Variants in THSD4 observed in about 807,000 individuals in gnomAD.
The protein encoded by THSD4 is thrombospondin type 1 domain containing 4, also known as thrombospondin type-1 domain-containing protein 4.
Under a neutral mutation model 119.0 loss-of-function variants are expected in THSD4, and 69 were observed. The ratio of observed to expected loss-of-function variants is 0.58; its 90% CI spans 0.48 to 0.71. The LOEUF is 0.71. Among genes scored for constraint, THSD4 ranks in the 30% least tolerant of loss-of-function variants. The pLI, the probability that THSD4 is intolerant of heterozygous loss-of-function variation, is 0.00. For missense variants in THSD4, 1,393 were observed against 1,391.1 expected, an observed-to-expected ratio of 1.00 and a Z score of -0.02; for synonymous variants, 524 against 540.4, an observed-to-expected ratio of 0.97 and a Z score of 0.42.
chr15:71,695,501 CATGTGT>C (rs1188146377), intron 8 of THSD4, among the ~76,000 whole-genome samples: 1 of 115,330 alleles, frequency 8.7e-6, no homozygotes, highest in African/African-American at 3.7e-5. Flanking sequence ...TGTGTGTGTG[CATGTGT>C]GTGTGTGTGT....
chr15:71,098,493 G>T (rs2040241261), intron 1 of THSD4, among the ~76,000 whole-genome samples: 1 of 151,976 alleles, frequency 6.6e-6, no homozygotes, highest in Non-Finnish European at 1.5e-5. Context: ...TAAATTGCTG[G>T]GCTCAAGCGA....
chr15:71,273,571 GGTGAGGGATAC>G lies in THSD4; in HGVS notation c.1015+16859_1015+16869del, dbSNP rs2044557826. Among the ~76,000 whole-genome samples the G allele has an allele frequency of 6.6e-5, 10 of 152,232 alleles. No homozygotes were observed. The South Asian group carries it at 2.1e-3, about 32-fold the overall frequency. On this transcript the variant is annotated intron_variant, in intron 6 of 17. Coordinates refer to ENST00000261862, the MANE Select transcript of THSD4 (RefSeq NM_024817.3). The stretch of plus-strand genomic sequence containing the variant: ...TCTCACCACAAAGAAATAAGTATGA[GGTGAGGGATAC>G]GTTAATTAACCATATTTTCTTATTC...
chr15:71,715,518 A>G (rs1306491080), intron 8 of THSD4, among the ~76,000 whole-genome samples: 2 of 152,144 alleles, frequency 1.3e-5, no homozygotes, highest in Non-Finnish European at 2.9e-5. Flanking sequence ...TAGAACAGAA[A>G]TGGAATTTAG....
At chr15:71,334,056 A>G (rs2140377974) in intron 6 of THSD4, among the ~76,000 whole-genome samples, 1 of 152,318 alleles carries the variant, frequency 6.6e-6, no homozygotes, top group South Asian at 2.1e-4. Flanking sequence ...TGAGTTGATG[A>G]AAGTATCTAA....
intron 5 of THSD4, among the ~76,000 whole-genome samples, chr15:71,248,221 C>T (rs1454094852): frequency 1.3e-5 from 2 of 152,150 alleles, no homozygotes; most frequent in Non-Finnish European, 2.9e-5. Flanking sequence ...TTGGAGGATG[C>T]ATTGAACTAT....
chr15:71,130,897 A>C (rs930806373), intron 1 of THSD4, among the ~76,000 whole-genome samples: 1 of 152,076 alleles, frequency 6.6e-6, no homozygotes, highest in Admixed American at 6.5e-5. Context: ...GGCGCCCGCT[A>C]CCACGCCCGT....
intron 7 of THSD4, among the ~76,000 whole-genome samples, chr15:71,457,086 A>G (rs939213420): frequency 2.0e-5 from 3 of 152,158 alleles, no homozygotes; most frequent in African/African-American, 7.2e-5. Flanking sequence ...TGTCCAATAA[A>G]GAAGCCAAGA....
chr15:71,469,133 C>T (rs1308553664), intron 7 of THSD4, among the ~76,000 whole-genome samples: 1 of 152,192 alleles, frequency 6.6e-6, no homozygotes, highest in Non-Finnish European at 1.5e-5. Context: ...CCCTCCAGGC[C>T]TCACATTTGA....
intron 7 of THSD4, among the ~76,000 whole-genome samples, chr15:71,482,361 G>A (rs1283459593): frequency 6.6e-6 from 1 of 150,588 alleles, no homozygotes; most frequent in African/African-American, 2.4e-5. Flanking sequence ...CACGATCTCG[G>A]CTCACTGCAA....
At chr15:71,414,673 A>G (rs2046735467) in intron 7 of THSD4, among the ~76,000 whole-genome samples, 1 of 152,228 alleles carries the variant, frequency 6.6e-6, no homozygotes, top group South Asian at 2.1e-4. Flanking sequence ...TTAGCTGATG[A>G]TATAAAAGAA....
intron 6 of THSD4, among the ~76,000 whole-genome samples, chr15:71,325,748 T>C (rs890987311): frequency 6.6e-6 from 1 of 152,010 alleles, no homozygotes; most frequent in African/African-American, 2.4e-5. Flanking sequence ...GGTCAGAGAT[T>C]AGTCAGAGGA....
At chr15:71,762,248 G>C (rs1305891022) in intron 15 of THSD4, among the ~76,000 whole-genome samples, 1 of 152,092 alleles carries the variant, frequency 6.6e-6, no homozygotes, top group Non-Finnish European at 1.5e-5. Context: ...CCATTTCTGA[G>C]CATTTACAGT....
intron 3 of THSD4, among the ~76,000 whole-genome samples, chr15:71,171,430 A>G (rs2043362070): frequency 6.6e-6 from 1 of 152,186 alleles, no homozygotes; most frequent in African/African-American, 2.4e-5. Context: ...ATACCCAGCA[A>G]AAATATCTTT....
At chr15:71,548,886 C>T (rs1366233040) in intron 7 of THSD4, among the ~76,000 whole-genome samples, 2 of 152,122 alleles carry the variant, frequency 1.3e-5, no homozygotes, top group African/African-American at 2.4e-5. Flanking sequence ...CTGGGGAGAC[C>T]CCCGAACTGA....
chr15:71,728,873 TG>T lies in THSD4; in HGVS notation c.1533+151del, dbSNP rs539176127. On this transcript the variant is annotated intron_variant, in intron 9 of 17. Transcript: ENST00000261862. ...CTGTTGGAGGCACTCCTTGAATGCT[TG>T]GCGTTCATCTTTGCCTTTACTTCTG... The T allele has an allele frequency of 3.1e-3, 3,144 of 1,011,142 alleles. 10 individuals carry two copies. Among genetic ancestry groups the T allele is most frequent in the Non-Finnish European group, 4.0e-3 (2,679 of 673,484 alleles). The allele number at this position is 1,011,142 out of a possible 1,614,324, so 62.6% of individuals were successfully genotyped here.
chr15:71,328,288 G>A (rs767706538), intron 6 of THSD4, among the ~76,000 whole-genome samples: 4 of 152,152 alleles, frequency 2.6e-5, no homozygotes, highest in Admixed American at 1.3e-4. Flanking sequence ...GTATGGCCAC[G>A]CAAAACCTTT....
At chr15:71,182,526 C>G (rs534688474) in intron 3 of THSD4, among the ~76,000 whole-genome samples, 1 of 151,728 alleles carries the variant, frequency 6.6e-6, no homozygotes, top group East Asian at 1.9e-4. Context: ...CCATTCCCTC[C>G]CACACTTATA....
At chr15:71,265,370 G>T (rs9783696) in intron 6 of THSD4, among the ~76,000 whole-genome samples, 150,351 of 152,144 alleles carry the variant, frequency 0.99, 74,311 homozygotes, top group Middle Eastern at 1. Context: ...CTCCCTCCCC[G>T]AGTCAAGGGA....
chr15:71,658,276 C>T (rs1185791250), intron 7 of THSD4, among the ~76,000 whole-genome samples: 1 of 152,188 alleles, frequency 6.6e-6, no homozygotes, highest in Non-Finnish European at 1.5e-5. Context: ...TCGTATTATC[C>T]CTCCCAGCAG....
Sources: gnomAD v4.1 joint callset for allele counts (sites outside exome capture counted in the v4.1 genomes callset) on GRCh38, gnomAD v4.1.1 for gene constraint, MANE v1.5 for transcripts, NCBI Gene and HGNC (gene_info 2026-07-23, HGNC 2026-07-21) for gene names.